SYT1: variants seen among roughly 807,000 people sequenced by gnomAD.
The protein encoded by SYT1 is synaptotagmin 1, also known as synaptotagmin-1.
In SYT1, 8 loss-of-function variants were observed where a neutral mutation model predicts 44.8. That is an observed-to-expected ratio of 0.18 (90% CI 0.10 to 0.32). The LOEUF is 0.32. SYT1 is among the 10% of genes least tolerant of loss of function. SYT1 has a pLI of 1.00. For synonymous variants in SYT1, 154 were observed against 188.8 expected (o/e 0.82, Z 1.51); for missense variants, 286 against 509.3 (o/e 0.56, Z 4.22).
intron 1 of SYT1, among the ~76,000 whole-genome samples, chr12:78,928,973 C>G (rs1349130458): frequency 6.6e-6 from 1 of 151,910 alleles, no homozygotes; most frequent in African/African-American, 2.4e-5. Context: ...ATAAACAACA[C>G]AGGTTTGAAC....
At chr12:78,940,497 C>T (rs1031195297) in intron 1 of SYT1, among the ~76,000 whole-genome samples, 4 of 152,286 alleles carry the variant, frequency 2.6e-5, no homozygotes, top group African/African-American at 9.6e-5. Flanking sequence ...TCAAGTGATC[C>T]TCCTGCCTCA....
intron 2 of SYT1, among the ~76,000 whole-genome samples, chr12:79,030,509 T>A (rs1872766333): frequency 6.6e-6 from 1 of 151,076 alleles, no homozygotes. Flanking sequence ...ACTATTCCAT[T>A]GAGCTCTAAT....
At chr12:79,274,319 G>A (rs1878594844) in intron 4 of SYT1, among the ~76,000 whole-genome samples, 1 of 152,122 alleles carries the variant, frequency 6.6e-6, no homozygotes, top group Non-Finnish European at 1.5e-5. Flanking sequence ...TGTATTCTGA[G>A]CATGAACTGC....
intron 2 of SYT1, among the ~76,000 whole-genome samples, chr12:79,009,784 A>G (rs1295555935): frequency 6.6e-6 from 1 of 152,040 alleles, no homozygotes; most frequent in Non-Finnish European, 1.5e-5. Context: ...ATCAATATCA[A>G]TTCCATTTGT....
chr12:79,125,428 T>C (rs1009464495), intron 3 of SYT1, among the ~76,000 whole-genome samples: 3 of 141,402 alleles, frequency 2.1e-5, no homozygotes, highest in African/African-American at 8.1e-5. Flanking sequence ...CTGGGAAACA[T>C]AGTGCGACCC....
intron 9 of SYT1, among the ~76,000 whole-genome samples, chr12:79,367,218 G>A (rs761556663): frequency 3.3e-5 from 5 of 152,128 alleles, no homozygotes; most frequent in Non-Finnish European, 7.4e-5. Context: ...TGGGCAACAA[G>A]TAGGGACAAA....
At chr12:79,367,824 A>G (rs1042814963) in intron 9 of SYT1, among the ~76,000 whole-genome samples, 10 of 152,252 alleles carry the variant, frequency 6.6e-5, no homozygotes, top group Admixed American at 2.6e-4. Flanking sequence ...GTTAAAACAT[A>G]TACTAAGAAC....
chr12:79,092,286 G>A (rs566318547), intron 3 of SYT1, among the ~76,000 whole-genome samples: 1 of 151,780 alleles, frequency 6.6e-6, no homozygotes, highest in Admixed American at 6.6e-5. Flanking sequence ...GACATGTCAG[G>A]CAAAGCCTTG....
chr12:79,072,642 A>ATGC (rs1325520800), intron 3 of SYT1, among the ~76,000 whole-genome samples: 2 of 152,164 alleles, frequency 1.3e-5, no homozygotes, highest in African/African-American at 4.8e-5. Flanking sequence ...TCCAAACTAT[A>ATGC]TGCTAGAACT....
At chr12:79,186,923 A>G (rs530701720) in intron 3 of SYT1, among the ~76,000 whole-genome samples, 1 of 152,198 alleles carries the variant, frequency 6.6e-6, no homozygotes, top group African/African-American at 2.4e-5. Flanking sequence ...TGACAAATGT[A>G]AATAATATTT....
At chr12:79,171,869 G>A (rs763836816) in intron 3 of SYT1, among the ~76,000 whole-genome samples, 3 of 151,832 alleles carry the variant, frequency 2.0e-5, no homozygotes, top group Non-Finnish European at 4.4e-5. Flanking sequence ...TTTAATGAGA[G>A]GATTAAATGA....
chr12:79,214,416 TA>T lies in SYT1; in HGVS notation c.-17-3079del, dbSNP rs144303730. On this transcript the variant is annotated intron_variant, in intron 3 of 10. Coordinates refer to ENST00000261205, the MANE Select transcript of SYT1 (RefSeq NM_005639.3). ...TTATAGAAACATTCTTTGCTTCCCT[TA>T]AAAAAAAGCTGGGTAACTTTAAGAA... Among the ~76,000 whole-genome samples the T allele has an allele frequency of 2.3e-3, 351 of 152,022 alleles. 1 individual carries two copies. The highest frequency in any genetic ancestry group is 7.9e-3 in the African/African-American group (329 of 41,486).
intron 1 of SYT1, among the ~76,000 whole-genome samples, chr12:78,878,689 G>C (rs1476227527): frequency 6.6e-6 from 1 of 151,714 alleles, no homozygotes; most frequent in African/African-American, 2.4e-5. Flanking sequence ...ATTCACATGT[G>C]AGCTGTGAAA....
At chr12:79,348,998 GGAAAGAAAGAAA>G (rs71865653) in intron 8 of SYT1, among the ~76,000 whole-genome samples, 2,593 of 125,382 alleles carry the variant, frequency 0.021, 24 homozygotes, top group Non-Finnish European at 0.028. Context: ...AAAGAGAGAA[GGAAAGAAAGAAA>G]GAAAGAAAGA....
At chr12:79,153,351 A>T (rs1290829709) in intron 3 of SYT1, among the ~76,000 whole-genome samples, 1 of 152,134 alleles carries the variant, frequency 6.6e-6, no homozygotes, top group Non-Finnish European at 1.5e-5. Context: ...TATCTGGAAA[A>T]TTGTAGGTCG....
intron 1 of SYT1, among the ~76,000 whole-genome samples, chr12:78,930,311 C>T (rs192436647): frequency 6.6e-6 from 1 of 151,508 alleles, no homozygotes; most frequent in African/African-American, 2.4e-5. Context: ...TAAAAATAAA[C>T]CAATAGAAAA....
intron 9 of SYT1, among the ~76,000 whole-genome samples, chr12:79,388,077 T>A (rs1431302009): frequency 6.6e-6 from 1 of 152,350 alleles, no homozygotes; most frequent in East Asian, 1.9e-4. Flanking sequence ...TCATAAACAC[T>A]TAATAAATGT....
chr12:78,898,117 C>A (rs546560792), intron 1 of SYT1, among the ~76,000 whole-genome samples: 1 of 152,040 alleles, frequency 6.6e-6, no homozygotes, highest in South Asian at 2.1e-4. Flanking sequence ...CAGATATTTG[C>A]CCTTGCTACA....
At chr12:79,024,818 G>A (rs1565768513) in intron 2 of SYT1, among the ~76,000 whole-genome samples, 1 of 151,678 alleles carries the variant, frequency 6.6e-6, no homozygotes, top group Non-Finnish European at 1.5e-5. Flanking sequence ...GGAGAATAAC[G>A]CTAAATAAAA....
Sources: gnomAD v4.1 joint callset for allele counts (sites outside exome capture counted in the v4.1 genomes callset) on GRCh38, gnomAD v4.1.1 for gene constraint, MANE v1.5 for transcripts, NCBI Gene and HGNC (gene_info 2026-07-23, HGNC 2026-07-21) for gene names.